Variants in SLCO3A1 observed in about 807,000 individuals in gnomAD.
SLCO3A1 encodes solute carrier organic anion transporter family member 3A1.
SLCO3A1 carries 27 observed loss-of-function variants against 63.1 expected under a neutral mutation model. The ratio of observed to expected loss-of-function variants is 0.43; its 90% CI spans 0.32 to 0.59. The LOEUF (loss-of-function observed/expected upper bound fraction) is 0.59. Among genes scored for constraint, SLCO3A1 ranks in the 20% least tolerant of loss-of-function variants. SLCO3A1 has a pLI of 0.09. For missense variants in SLCO3A1, 773 were observed against 945.8 expected, an observed-to-expected ratio of 0.82 and a Z score of 2.40; for synonymous variants, 473 against 409.9, an observed-to-expected ratio of 1.15 and a Z score of -1.86.
rs1487820866 is a variant in SLCO3A1, at chr15:91,954,043, GA to G, written c.646+37586del. ...TACTGTATTAGAAATTAAAACTGAG[GA>G]TACACAGGTGTGTGTTCTGTTAGCC... On this transcript the variant is annotated intron_variant, in intron 2 of 9. Transcript: ENST00000318445. The surrounding 1 kb of genome is among the most constrained non-coding windows in gnomAD (Gnocchi z 4.7). 2.0e-5 allele frequency among the ~76,000 whole-genome samples: 3 copies of G among 152,190 alleles called. No homozygotes were observed. Among genetic ancestry groups the G allele is most frequent in the Non-Finnish European group, 4.4e-5 (3 of 68,036 alleles).
intron 1 of SLCO3A1, among the ~76,000 whole-genome samples, chr15:91,868,384 A>C (rs1897218291): frequency 7.0e-6 from 1 of 143,520 alleles, no homozygotes. Flanking sequence ...TAATATAAAG[A>C]CTTTACTGTT....
chr15:92,000,857 A>T (rs1223848137), intron 2 of SLCO3A1, among the ~76,000 whole-genome samples: 1 of 152,152 alleles, frequency 6.6e-6, no homozygotes, highest in African/African-American at 2.4e-5. Context: ...TATTCATCTC[A>T]TGCTCAGCTG....
intron 9 of SLCO3A1, 24 bp downstream of exon 9, chr15:92,151,038 T>A: frequency 6.6e-7 from 1 of 1,520,820 alleles, no homozygotes; most frequent in Non-Finnish European, 9.1e-7. Context: ...CTTTATTTCC[T>A]CAATAATGAA....
At chr15:91,990,533 T>A (rs1444952328) in intron 2 of SLCO3A1, among the ~76,000 whole-genome samples, 1 of 152,044 alleles carries the variant, frequency 6.6e-6, no homozygotes, top group Non-Finnish European at 1.5e-5. Context: ...TTCTTAACCC[T>A]CTTGCCTCTG....
intron 4 of SLCO3A1, among the ~76,000 whole-genome samples, chr15:92,105,977 G>C (rs1338970832): frequency 6.6e-6 from 1 of 152,200 alleles, no homozygotes; most frequent in East Asian, 1.9e-4. Context: ...TCAGCCCCCT[G>C]TTCTGTTCCT....
intron 2 of SLCO3A1, among the ~76,000 whole-genome samples, chr15:92,065,602 CTG>C (rs2047141262): frequency 6.6e-6 from 1 of 152,144 alleles, no homozygotes; most frequent in Non-Finnish European, 1.5e-5. Context: ...GTTGCCATAA[CTG>C]TATGGCCGCC....
At chr15:92,051,200 AG>A (rs2046953432) in intron 2 of SLCO3A1, among the ~76,000 whole-genome samples, 2 of 152,312 alleles carry the variant, frequency 1.3e-5, no homozygotes, top group Admixed American at 1.3e-4. Context: ...TGAAGGCTTC[AG>A]GGCAGTGGTA....
chr15:92,113,107 C>T (rs1369202776), intron 4 of SLCO3A1, among the ~76,000 whole-genome samples: 3 of 152,162 alleles, frequency 2.0e-5, no homozygotes, highest in African/African-American at 7.2e-5. Flanking sequence ...GGAAAGACAC[C>T]ATGTTGGGTC....
At chr15:92,139,083 G>A (rs1397640725) in intron 7 of SLCO3A1, among the ~76,000 whole-genome samples, 5 of 148,138 alleles carry the variant, frequency 3.4e-5, no homozygotes, top group Non-Finnish European at 7.4e-5. Flanking sequence ...TCCAGTTTTT[G>A]CCCATTCAGT....
intron 9 of SLCO3A1, among the ~76,000 whole-genome samples, chr15:92,160,805 C>G (rs777277205): frequency 1.3e-5 from 2 of 152,164 alleles, no homozygotes; most frequent in Non-Finnish European, 2.9e-5. Flanking sequence ...GGGGGAAGGG[C>G]TGCTTCCTTC....
intron 2 of SLCO3A1, among the ~76,000 whole-genome samples, chr15:92,053,854 G>A (rs921670617): frequency 2.0e-5 from 3 of 152,006 alleles, no homozygotes; most frequent in Non-Finnish European, 2.9e-5. Flanking sequence ...TGTTTGTCAG[G>A]TTTCTCCATT....
intron 2 of SLCO3A1, among the ~76,000 whole-genome samples, chr15:92,025,413 T>G (rs1326380071): frequency 6.6e-6 from 1 of 152,200 alleles, no homozygotes; most frequent in Non-Finnish European, 1.5e-5. Flanking sequence ...CAAAAGCTAA[T>G]TGCAGCAACA....
chr15:91,962,176 G>A (rs1367682934), intron 2 of SLCO3A1, among the ~76,000 whole-genome samples: 1 of 152,084 alleles, frequency 6.6e-6, no homozygotes, highest in African/African-American at 2.4e-5. Context: ...GACTAGAGTG[G>A]ACATTTTAAG....
intron 2 of SLCO3A1, among the ~76,000 whole-genome samples, chr15:91,975,463 G>T (rs1189429364): frequency 6.6e-6 from 1 of 152,208 alleles, no homozygotes; most frequent in Non-Finnish European, 1.5e-5. Flanking sequence ...CCATTGGCAG[G>T]ATTAGCCACA....
chr15:92,128,390 CAAT>C lies in SLCO3A1; in HGVS notation c.1419_1421del (p.Asn474del). 6.2e-7 allele frequency: 1 copy of C among 1,614,140 alleles called. No individual in the cohort carries two copies. The highest frequency in any genetic ancestry group is 8.5e-7 in the Non-Finnish European group (1 of 1,180,014). On this transcript the variant is annotated inframe_deletion, in exon 7 of 10. Coordinates refer to ENST00000318445, the MANE Select transcript of SLCO3A1 (RefSeq NM_013272.4). ...CAGCCCTGGACCCCTACTCGCCCTGCAATAATAACTGTGAATGCCAAACCGATT... is the reference window on the plus strand; with the variant it reads ...CAGCCCTGGACCCCTACTCGCCCTGCAATAACTGTGAATGCCAAACCGATT...
At chr15:92,151,944 A>G (rs150760055) in intron 9 of SLCO3A1, among the ~76,000 whole-genome samples, 39 of 152,390 alleles carry the variant, frequency 2.6e-4, no homozygotes, top group South Asian at 6.2e-4. Flanking sequence ...AACAGCAGAC[A>G]ATTAGTTAAA....
chr15:92,049,672 C>G (rs2046933481), intron 2 of SLCO3A1, among the ~76,000 whole-genome samples: 1 of 152,140 alleles, frequency 6.6e-6, no homozygotes, highest in Non-Finnish European at 1.5e-5. Flanking sequence ...GAAGAGTTAG[C>G]TAGTTAATAG....
chr15:92,092,622 G>C (rs576440968), intron 2 of SLCO3A1, among the ~76,000 whole-genome samples: 1 of 152,148 alleles, frequency 6.6e-6, no homozygotes, highest in South Asian at 2.1e-4. Flanking sequence ...TGTGGGTGCC[G>C]CTTCTGACTC....
At chr15:92,157,431 C>T (rs369865470) in intron 9 of SLCO3A1, among the ~76,000 whole-genome samples, 36 of 151,706 alleles carry the variant, frequency 2.4e-4, no homozygotes, top group African/African-American at 6.8e-4. Context: ...CTGGCCCCCC[C>T]CCTTGTCCTC....
Sources: allele counts gnomAD v4.1 joint callset (sites outside exome capture counted in the v4.1 genomes callset), GRCh38; gene constraint gnomAD v4.1.1; non-coding constraint Gnocchi (gnomAD v3.1); transcripts MANE v1.5; gene names NCBI Gene and HGNC (gene_info 2026-07-23, HGNC 2026-07-21).